The following DSCAM variants were observed in gnomAD, a reference collection of about 807,000 sequenced individuals.
The protein encoded by DSCAM is DS cell adhesion molecule.
In DSCAM, 47 loss-of-function variants were observed where a neutral mutation model predicts 217.7. The observed-to-expected ratio is 0.22, with a 90% confidence interval of 0.17 to 0.28. The LOEUF is 0.28. Ranked by LOEUF, DSCAM falls within the 10% of genes least tolerant of loss-of-function variation. The pLI is 1.00. For missense variants in DSCAM, 2,080 were observed against 2,618.3 expected (o/e 0.79, Z 4.49); for synonymous variants, 1,056 against 1,015.3 (o/e 1.04, Z -0.76).
chr21:40,811,922 A>G (rs946451476), intron 1 of DSCAM, among the ~76,000 whole-genome samples: 7 of 152,276 alleles, frequency 4.6e-5, no homozygotes, highest in African/African-American at 1.4e-4. Context: ...TTAGGTTGTG[A>G]TTCACTCTCA....
intron 8 of DSCAM, among the ~76,000 whole-genome samples, 180 bp from the exon 9 acceptor site, chr21:40,312,539 T>TA (rs1480014666): frequency 6.6e-6 from 1 of 152,214 alleles, no homozygotes; most frequent in Non-Finnish European, 1.5e-5. Flanking sequence ...TCATTTTAAA[T>TA]AAAAACCATG....
intron 1 of DSCAM, among the ~76,000 whole-genome samples, chr21:40,770,116 A>G (rs2091431633): frequency 6.6e-6 from 1 of 152,214 alleles, no homozygotes; most frequent in African/African-American, 2.4e-5. Context: ...TAAACCAAGG[A>G]ACATTCTCAA....
chr21:40,083,941 G>A lies in DSCAM; in HGVS notation c.4198C>T (p.Leu1400Phe). 1 of 1,613,874 alleles carries A rather than the reference G, an allele frequency of 6.2e-7. No individual in the cohort carries two copies. The highest frequency in any genetic ancestry group is 8.5e-7 in the Non-Finnish European group (1 of 1,179,886). Residue 1400 changes from leucine (L) to phenylalanine (F), a missense_variant, in exon 24 of 33, where the codon CTC (leucine) becomes TTC (phenylalanine). Leu to Phe is a conservative substitution (Grantham distance 22, BLOSUM62 0). Around this residue, in one of 5 missense-constraint regions of DSCAM, gnomAD observed 1,144 missense variants for 1,421.1 expected, o/e 0.81. Transcript: ENST00000400454. The stretch of plus-strand genomic sequence containing the variant: ...GAGCTGCCCCCGTTGTCTCCAGGGA[G>A]CCAAGAAAGGGTGATGGAGGAAGAC... Reference protein sequence around the residue: ...TTSSSITLSWLPGDNGGSSIR... With the variant: ...TTSSSITLSWFPGDNGGSSIR...
At chr21:40,177,019 G>A (rs774604204) in intron 15 of DSCAM, among the ~76,000 whole-genome samples, 1 of 152,224 alleles carries the variant, frequency 6.6e-6, no homozygotes, top group African/African-American at 2.4e-5. Flanking sequence ...TTCCCGAGGA[G>A]GTGGCTGGGA....
chr21:40,651,182 C>A (rs1012829905), intron 3 of DSCAM, among the ~76,000 whole-genome samples: 1 of 152,178 alleles, frequency 6.6e-6, no homozygotes, highest in African/African-American at 2.4e-5. Context: ...CAGACCAACT[C>A]CAGGCCCTGT....
intron 14 of DSCAM, among the ~76,000 whole-genome samples, chr21:40,185,909 T>C (rs1398136175): frequency 2.0e-5 from 3 of 152,212 alleles, no homozygotes; most frequent in East Asian, 1.9e-4. Context: ...ACGGTGAGAC[T>C]TGCAGTCCAA....
intron 3 of DSCAM, among the ~76,000 whole-genome samples, chr21:40,558,072 T>C (rs1013987150): frequency 7.2e-5 from 11 of 152,272 alleles, no homozygotes; most frequent in African/African-American, 2.6e-4. Flanking sequence ...CCATAACTAG[T>C]ATCCAAGGAT....
chr21:40,372,355 G>C (rs530991200), intron 3 of DSCAM, among the ~76,000 whole-genome samples: 1 of 152,206 alleles, frequency 6.6e-6, no homozygotes, highest in African/African-American at 2.4e-5. Flanking sequence ...ACACAATTCT[G>C]TCTCATTCTG....
At chr21:40,078,582 A>C (rs394753) in intron 26 of DSCAM, 105 bp downstream of exon 26, 560,848 of 1,452,306 alleles carry the variant, frequency 0.39, 114,424 homozygotes, top group South Asian at 0.64. Context: ...CTCCGTGGGC[A>C]CTGGTCAAAC....
At chr21:40,742,602 T>C (rs1039090460) in intron 1 of DSCAM, among the ~76,000 whole-genome samples, 4 of 152,196 alleles carry the variant, frequency 2.6e-5, no homozygotes, top group African/African-American at 9.6e-5. Flanking sequence ...AGCAGCAATA[T>C]AAAACTGATA....
Position 40,291,078 on chromosome 21 carries a change from C to T in DSCAM, c.2182+4977G>A, listed in dbSNP as rs117904904. 9.2e-5 allele frequency among the ~76,000 whole-genome samples: 14 copies of T among 152,274 alleles called. No homozygotes were observed. The East Asian group carries it at 2.7e-3, about 29-fold the overall frequency. On this transcript the variant is annotated intron_variant, in intron 10 of 32. Transcript: ENST00000400454. ...AGCCACAGGTCTGCCCTCCTGGAGT[C>T]GTCCTGTCTGTCACCGGCACTTCCA... is the stretch of plus-strand genomic sequence containing the variant.
rs2076955030 is a variant in DSCAM at position 40,587,486 on chromosome 21, C to T, written c.508+105324G>A. Among the ~76,000 whole-genome samples, 8 of 152,234 alleles carry T rather than the reference C, an allele frequency of 5.3e-5. 2 individuals carry two copies. In the South Asian group the frequency reaches 1.7e-3, roughly 32 times the overall value. Reference sequence around the variant, plus strand: ...GTGTACCCCGTAACTGGCTGCATTACCAAATAAGTGGGAATGCATAGTCTT... The same window carrying T: ...GTGTACCCCGTAACTGGCTGCATTATCAAATAAGTGGGAATGCATAGTCTT... On this transcript the variant is annotated intron_variant, in intron 3 of 32. Coordinates refer to ENST00000400454, the MANE Select transcript of DSCAM (RefSeq NM_001389.5).
chr21:40,465,964 T>C (rs2075841695), intron 3 of DSCAM, among the ~76,000 whole-genome samples: 1 of 152,160 alleles, frequency 6.6e-6, no homozygotes, highest in Non-Finnish European at 1.5e-5. Flanking sequence ...GAGTAGCATA[T>C]CCTTGCTGTT....
intron 3 of DSCAM, among the ~76,000 whole-genome samples, chr21:40,526,568 T>C (rs1318399998): frequency 6.6e-6 from 1 of 151,886 alleles, no homozygotes; most frequent in African/African-American, 2.4e-5. Context: ...GCATGGTAGG[T>C]GAGGCCGGGG....
chr21:40,299,723 TC>T (rs1309099080), intron 9 of DSCAM, among the ~76,000 whole-genome samples: 7 of 152,042 alleles, frequency 4.6e-5, no homozygotes, highest in African/African-American at 1.7e-4. Flanking sequence ...ACTAATGACA[TC>T]ATTCTCATAT....
intron 16 of DSCAM, among the ~76,000 whole-genome samples, chr21:40,163,543 G>A (rs994740396): frequency 1.3e-5 from 2 of 151,890 alleles, no homozygotes; most frequent in Non-Finnish European, 2.9e-5. Flanking sequence ...AAGTATTTAA[G>A]AGCCCTTTCT....
At chr21:40,751,387 G>A (rs1055201750) in intron 1 of DSCAM, among the ~76,000 whole-genome samples, 6 of 152,124 alleles carry the variant, frequency 3.9e-5, no homozygotes, top group Admixed American at 6.6e-5. Flanking sequence ...GAAGGCTTCC[G>A]CCTGTTTTGT....
At chr21:40,531,044 C>T (rs1208623413) in intron 3 of DSCAM, among the ~76,000 whole-genome samples, 1 of 152,166 alleles carries the variant, frequency 6.6e-6, no homozygotes, top group South Asian at 2.1e-4. Flanking sequence ...TGGTCAGCCT[C>T]GTTCCCACGA....
chr21:40,564,501 T>C (rs1420076935), intron 3 of DSCAM, among the ~76,000 whole-genome samples: 1 of 152,162 alleles, frequency 6.6e-6, no homozygotes, highest in Non-Finnish European at 1.5e-5. Flanking sequence ...TACTTCTCTA[T>C]CAATACTTCT....
Sources: gnomAD v4.1 joint callset for allele counts (sites outside exome capture counted in the v4.1 genomes callset) on GRCh38, gnomAD v4.1.1 for gene constraint, gnomAD v4.1.1 regional missense constraint, MANE v1.5 for transcripts, NCBI Gene and HGNC (gene_info 2026-07-23, HGNC 2026-07-21) for gene names.